Variants in ANKFN1 observed in about 807,000 individuals in gnomAD.
ANKFN1 encodes ankyrin repeat and fibronectin type-III domain-containing protein 1.
ANKFN1 carries 74 observed loss-of-function variants against 108.7 expected under a neutral mutation model. The observed-to-expected ratio is 0.68, with a 90% CI of 0.56 to 0.83. The LOEUF (loss-of-function observed/expected upper bound fraction) is 0.83. ANKFN1 is among the 40% of genes least tolerant of loss of function. The probability of loss-of-function intolerance (pLI) is 0.00; values close to 1 mark genes in which losing one functional copy is unlikely to be tolerated. For missense variants in ANKFN1, 1,505 were observed against 1,382.3 expected (o/e 1.09, Z -1.41); for synonymous variants, 547 against 516.2 (o/e 1.06, Z -0.81).
chr17:56,239,635 C>T (rs1347059254), intron 3 of ANKFN1, among the ~76,000 whole-genome samples: 1 of 152,132 alleles, frequency 6.6e-6, no homozygotes, highest in Non-Finnish European at 1.5e-5. Context: ...AATCTATTTA[C>T]TCTCCAGATT....
intron 3 of ANKFN1, among the ~76,000 whole-genome samples, chr17:56,300,018 G>A (rs148031390): frequency 9.9e-5 from 15 of 152,280 alleles, no homozygotes; most frequent in African/African-American, 3.4e-4. Flanking sequence ...AGGCAAGTGC[G>A]AGGTGCATAT....
intron 4 of ANKFN1, among the ~76,000 whole-genome samples, chr17:56,061,161 G>A (rs1340139792): frequency 6.6e-6 from 1 of 151,910 alleles, no homozygotes; most frequent in Non-Finnish European, 1.5e-5. Context: ...TTTAGTCTTG[G>A]GAGGGTGTAT....
At chr17:56,072,204 T>A (rs1905128448) in intron 4 of ANKFN1, among the ~76,000 whole-genome samples, 1 of 152,218 alleles carries the variant, frequency 6.6e-6, no homozygotes, top group Non-Finnish European at 1.5e-5. Flanking sequence ...TCACTTGTGT[T>A]TTCACTTTCT....
rs536647631 is a variant in ANKFN1, at chr17:56,363,222, C to CAAAAAT, written c.601+9197_601+9202dup. 2.4e-4 allele frequency among the ~76,000 whole-genome samples: 36 copies of CAAAAAT among 151,512 alleles called. 1 individual carries two copies. Among genetic ancestry groups the CAAAAAT allele is most frequent in the Admixed American group, 6.6e-5 (1 of 15,196 alleles). ...CTGGGGACAGAGGGAGACTCCATCT[C>CAAAAAT]AAAAATAAAAATAAAAATAAAAATA... is the stretch of plus-strand genomic sequence containing the variant. On this transcript the variant is annotated intron_variant, in intron 6 of 20. Transcript: ENST00000682825.
At chr17:56,315,590 G>A (rs73311735) in intron 3 of ANKFN1, among the ~76,000 whole-genome samples, 2,213 of 152,228 alleles carry the variant, frequency 0.015, 58 homozygotes, top group African/African-American at 0.05. Context: ...TCCATTCAAC[G>A]CCTTTGCTGT....
At chr17:56,388,254 C>A (rs2047331512) in intron 8 of ANKFN1, among the ~76,000 whole-genome samples, 2 of 151,860 alleles carry the variant, frequency 1.3e-5, no homozygotes, top group Admixed American at 6.6e-5. Flanking sequence ...TCAAGTGATT[C>A]TCATGCCTCA....
At chr17:56,124,629 A>G (rs1348057873) in intron 4 of ANKFN1, among the ~76,000 whole-genome samples, 1 of 151,982 alleles carries the variant, frequency 6.6e-6, no homozygotes, top group Non-Finnish European at 1.5e-5. Context: ...CCCACTTTCT[A>G]TTGTCCCAAT....
Position 56,482,459 on chromosome 17 carries a change from G to A in ANKFN1, c.2195G>A (p.Gly732Glu), listed in dbSNP as rs1365733825. The A allele has an allele frequency of 6.2e-7, 1 of 1,613,618 alleles. No individual in the cohort carries two copies. The highest frequency in any genetic ancestry group is 1.7e-5 in the Admixed American group (1 of 59,962). ...PASDDVCTAPGQNNPYTPHSG... is the reference protein window; with the variant it reads ...PASDDVCTAPEQNNPYTPHSG... ...TCAGACGACGTCTGTACAGCCCCAG[G>A]ACAGAATAATCCTTACACCCCACAC... is the stretch of plus-strand genomic sequence containing the variant. The change falls in exon 18 of 21, where the codon GGA becomes GAA. Residue 732 changes from glycine (G) to glutamate (E), a missense_variant. Gly to Glu is a moderately conservative substitution (Grantham distance 98). Transcript: ENST00000682825.
In ANKFN1 at chr17:56,125,422, G is replaced by A. The variant is rs190076614; in HGVS notation, c.288+79097G>A. 6.1e-3 allele frequency among the ~76,000 whole-genome samples: 933 copies of A among 152,292 alleles called. 3 individuals carry two copies. Among genetic ancestry groups the A allele is most frequent in the Non-Finnish European group, 9.4e-3 (641 of 68,024 alleles). The stretch of plus-strand genomic sequence containing the variant: ...GAATAAAAAGGAACCTGGGAAAAAA[G>A]GAGAAGACTCCCTGAAGGTCTCATA... On this transcript the variant is annotated intron_variant, in intron 4 of 12. Transcript: ENST00000635860.
At chr17:56,440,294 TTC>T (rs1184353805) in intron 8 of ANKFN1, 31 bp from the exon 9 acceptor site, 24 of 1,399,418 alleles carry the variant, frequency 1.7e-5, no homozygotes, top group Non-Finnish European at 2.0e-5. Flanking sequence ...TTCTCCCTCT[TTC>T]TCTCTCTCCC....
intron 3 of ANKFN1, among the ~76,000 whole-genome samples, chr17:56,263,512 C>A (rs934749331): frequency 1.3e-5 from 2 of 152,212 alleles, no homozygotes; most frequent in African/African-American, 4.8e-5. Flanking sequence ...CATTTATACA[C>A]CATTAAAGGT....
At position 56,050,862 on chromosome 17, in the gene ANKFN1, A is replaced by G. The variant is rs977111775; in HGVS notation, c.288+4537A>G. On this transcript the variant is annotated intron_variant, in intron 4 of 12. Coordinates refer to the ANKFN1 transcript ENST00000635860. ...CGACACATACACTCTCCCAAGACTA[A>G]ACCAGGAAGAAGTTGAACCTCTGAA... 5.9e-5 allele frequency among the ~76,000 whole-genome samples: 9 copies of G among 151,850 alleles called. 1 individual carries two copies. Among genetic ancestry groups the G allele is most frequent in the Admixed American group, 5.9e-4 (9 of 15,230 alleles).
In ANKFN1 at chr17:56,449,306, T is replaced by C. The variant is rs1054482079; in HGVS notation, c.1207+120T>C. 5 of 654,732 alleles carry C rather than the reference T, an allele frequency of 7.6e-6. No individual in the cohort carries two copies. In the African/African-American group the frequency reaches 9.2e-5, roughly 12 times the overall value. The allele number at this position is 654,732 out of a possible 1,614,324, so 40.6% of individuals were successfully genotyped here. ...TCAGGGAGAGAGATATTAATATTTG[T>C]ACATCTGGAATCACTTTACAGCACT... On this transcript the variant is annotated intron_variant, in intron 11 of 20. Transcript: ENST00000682825.
intron 1 of ANKFN1, among the ~76,000 whole-genome samples, chr17:56,186,316 T>G (rs1018961991): frequency 4.0e-5 from 6 of 151,502 alleles, no homozygotes; most frequent in Non-Finnish European, 8.8e-5. Context: ...AAATAATAAT[T>G]CCTCACATCT....
chr17:56,311,791 G>A (rs2045034996), intron 3 of ANKFN1, among the ~76,000 whole-genome samples: 1 of 152,152 alleles, frequency 6.6e-6, no homozygotes, highest in African/African-American at 2.4e-5. Context: ...ATTTAGACTT[G>A]GGTGACATCC....
intron 18 of ANKFN1, among the ~76,000 whole-genome samples, chr17:56,491,630 G>A (rs748067494): frequency 1.5e-4 from 23 of 152,196 alleles, no homozygotes; most frequent in Non-Finnish European, 2.6e-4. Context: ...GAGGGGCCAA[G>A]AAGCGGAGAG....
In ANKFN1 at chr17:56,090,206, T is replaced by G. The variant is rs1905386806; in HGVS notation, c.288+43881T>G. ...GAGTGAAATGGGGCGCTGTATAGTG[T>G]ATGAGCCAGAATGTGAGCACTGAGT... On this transcript the variant is annotated intron_variant, in intron 4 of 12. Coordinates refer to the ANKFN1 transcript ENST00000635860. Among the ~76,000 whole-genome samples the G allele has an allele frequency of 4.6e-5, 7 of 151,162 alleles. No individual in the cohort carries two copies. In the East Asian group the frequency reaches 9.7e-4, roughly 21 times the overall value.
chr17:56,087,905 G>A (rs9902473), intron 4 of ANKFN1, among the ~76,000 whole-genome samples: 7,061 of 151,058 alleles, frequency 0.047, 714 homozygotes, highest in African/African-American at 0.16. Context: ...CCTCTTCCCT[G>A]GACTATAGAA....
chr17:56,409,218 C>G (rs2048015700), intron 8 of ANKFN1, among the ~76,000 whole-genome samples: 1 of 152,126 alleles, frequency 6.6e-6, no homozygotes, highest in Non-Finnish European at 1.5e-5. Flanking sequence ...AGCCACCAGG[C>G]CTGGCCAAGA....
Sources: allele counts gnomAD v4.1 joint callset (sites outside exome capture counted in the v4.1 genomes callset), GRCh38; gene constraint gnomAD v4.1.1; transcripts MANE v1.5; gene names NCBI Gene and HGNC (gene_info 2026-07-23, HGNC 2026-07-21).